The following ITIH2 variants were observed in gnomAD, a reference collection of about 807,000 sequenced individuals.
ITIH2 encodes inter-alpha-trypsin inhibitor heavy chain 2.
In ITIH2, 103 loss-of-function variants were observed where a neutral mutation model predicts 104.4. The ratio of observed to expected loss-of-function variants is 0.99; its 90% CI spans 0.84 to 1.16. ITIH2 has a LOEUF of 1.16. ITIH2 is among the 50% of genes most tolerant of loss of function. The probability of loss-of-function intolerance (pLI) is 0.00; values close to 1 mark genes in which losing one functional copy is unlikely to be tolerated. For missense variants in ITIH2, 1,108 were observed against 1,162.4 expected, an observed-to-expected ratio of 0.95 and a Z score of 0.68; for synonymous variants, 436 against 435.4, an observed-to-expected ratio of 1.00 and a Z score of -0.02.
chr10:7,723,424 G>C (rs1365219822), intron 8 of ITIH2, 27 bp from the exon 9 acceptor site: 16 of 1,385,044 alleles, frequency 1.2e-5, no homozygotes, highest in Non-Finnish European at 1.5e-5. Flanking sequence ...ATCATGATTT[G>C]ACTCACAAAT....
In ITIH2 at chr10:7,709,185, T is replaced by A; in HGVS notation, c.356T>A (p.Phe119Tyr). Reference protein sequence around the residue: ...QIPKGAFISNFSMTVDGKTFR... With the variant: ...QIPKGAFISNYSMTVDGKTFR... ...CCCAAAGGAGCATTCATTTCCAACTTCTCCATGTGAGTAACTTCTGTGTAG... is the reference window on the plus strand; with the variant it reads ...CCCAAAGGAGCATTCATTTCCAACTACTCCATGTGAGTAACTTCTGTGTAG... Residue 119 changes from phenylalanine (F) to tyrosine (Y), a missense_variant, in exon 4 of 21, where the codon TTC (phenylalanine) becomes TAC (tyrosine). By Grantham distance (22) the Phe-to-Tyr change is conservative. Transcript: ENST00000358415. 2.5e-6 allele frequency: 4 copies of A among 1,613,978 alleles called. No homozygotes were observed. The highest frequency in any genetic ancestry group is 3.4e-6 in the Non-Finnish European group (4 of 1,179,900).
chr10:7,734,376 C>G (rs1835032221), intron 14 of ITIH2, among the ~76,000 whole-genome samples: 1 of 152,192 alleles, frequency 6.6e-6, no homozygotes, highest in Non-Finnish European at 1.5e-5. Flanking sequence ...GAACCTAAAA[C>G]TGCTCTAAAG....
intron 12 of ITIH2, 33 bp downstream of exon 12, chr10:7,730,166 C>T: frequency 1.3e-6 from 2 of 1,491,214 alleles, no homozygotes; most frequent in African/African-American, 1.4e-5. Context: ...TTTTATTCTT[C>T]ACTGGAAATC....
At chr10:7,724,894 G>A (rs531380142) in intron 9 of ITIH2, among the ~76,000 whole-genome samples, 1 of 152,192 alleles carries the variant, frequency 6.6e-6, no homozygotes, top group East Asian at 1.9e-4. Context: ...GAGAAACATT[G>A]CTCTAATACA....
chr10:7,734,843 G>A (rs1272526462), intron 14 of ITIH2, 79 bp from the exon 15 acceptor site: 6 of 1,275,032 alleles, frequency 4.7e-6, no homozygotes, highest in South Asian at 1.4e-5. Context: ...GCAGTGGTGG[G>A]GTGCAGGGTC....
At position 7,737,666 on chromosome 10, in the gene ITIH2, T is replaced by A. The variant is rs1381321229; in HGVS notation, c.1958-955T>A. Among the ~76,000 whole-genome samples, 39 of 19,262 alleles carry A rather than the reference T, an allele frequency of 2.0e-3. 2 individuals are homozygous for A. Among genetic ancestry groups the A allele is most frequent in the East Asian group, 3.0e-3 (1 of 332 alleles). The allele number at this position is 19,262 out of a possible 152,430, so 12.6% of individuals were successfully genotyped here. Reference sequence around the variant, plus strand: ...GAATATTCTATATTATATTCTATATTATATTCTATATTTTCTATATTATAT... The same window carrying A: ...GAATATTCTATATTATATTCTATATAATATTCTATATTTTCTATATTATAT... On this transcript the variant is annotated intron_variant, in intron 15 of 20. Transcript: ENST00000358415.
chr10:7,733,436 A>T (rs531132573), intron 14 of ITIH2, among the ~76,000 whole-genome samples: 1 of 152,296 alleles, frequency 6.6e-6, no homozygotes, highest in Non-Finnish European at 1.5e-5. Context: ...CCAAAGAGAA[A>T]TTGATGATTA....
At chr10:7,714,261 C>T (rs941899804) in intron 5 of ITIH2, among the ~76,000 whole-genome samples, 4 of 150,368 alleles carry the variant, frequency 2.7e-5, no homozygotes, top group African/African-American at 9.8e-5. Context: ...AAGCTCCGCC[C>T]CCCGGGTTCA....
chr10:7,749,029 A>G (rs1835210708), intron 20 of ITIH2, among the ~76,000 whole-genome samples, 158 bp from the exon 21 acceptor site: 1 of 152,122 alleles, frequency 6.6e-6, no homozygotes, highest in Non-Finnish European at 1.5e-5. Flanking sequence ...CAAGCCCCAG[A>G]CTTGGTGTTT....
At chr10:7,707,576 T>G (rs1366939233) in intron 3 of ITIH2, among the ~76,000 whole-genome samples, 1 of 152,200 alleles carries the variant, frequency 6.6e-6, no homozygotes, top group African/African-American at 2.4e-5. Context: ...TTTATTTTTA[T>G]TTTTTTGAGA....
At chr10:7,705,307 C>T in intron 2 of ITIH2, 125 bp downstream of exon 2, 1 of 709,238 alleles carries the variant, frequency 1.4e-6, no homozygotes, top group Non-Finnish European at 2.5e-6. Flanking sequence ...CAGAAGAGTC[C>T]AGACTTCTTA....
intron 15 of ITIH2, among the ~76,000 whole-genome samples, chr10:7,738,228 T>C (rs1481165544): frequency 9.1e-6 from 1 of 109,408 alleles, no homozygotes; most frequent in African/African-American, 3.5e-5. Context: ...CTATATAATA[T>C]TATATATTAT....
chr10:7,722,402 A>C (rs1834913120), intron 8 of ITIH2, among the ~76,000 whole-genome samples: 1 of 152,178 alleles, frequency 6.6e-6, no homozygotes, highest in African/African-American at 2.4e-5. Flanking sequence ...GCCAGTCATC[A>C]AGCCTGCAGC....
At chr10:7,723,379 C>A in intron 8 of ITIH2, 72 bp from the exon 9 acceptor site, 2 of 949,098 alleles carry the variant, frequency 2.1e-6, no homozygotes, top group Non-Finnish European at 3.5e-6. Context: ...TTCTCTGAGT[C>A]CCCAGGTCCC....
At chr10:7,744,686 G>A in intron 18 of ITIH2, 105 bp from the exon 19 acceptor site, 1 of 909,348 alleles carries the variant, frequency 1.1e-6, no homozygotes, top group Non-Finnish European at 1.6e-6. Context: ...ATAACTAGCG[G>A]AATTGTCTGG....
Position 7,734,977 on chromosome 10 carries a change from A to C in ITIH2, c.1843A>C (p.Met615Leu). Residue 615 changes from methionine to leucine, a missense_variant, in exon 15 of 21, where the codon ATG becomes CTG. By Grantham distance (15) the Met-to-Leu change is conservative. Transcript: ENST00000358415. The stretch of plus-strand genomic sequence containing the variant: ...AAGAATTACAAGATCGATCCTGCAG[A>C]TGTCTCTAGACCACCACATTGTGAC... ...KRRITRSILQ[M>L]SLDHHIVTPL... is the part of the protein sequence containing the mutation. 6.2e-7 allele frequency: 1 copy of C among 1,613,896 alleles called. No homozygotes were observed. Among genetic ancestry groups the C allele is most frequent in the Non-Finnish European group, 8.5e-7 (1 of 1,179,996 alleles).
intron 1 of ITIH2, among the ~76,000 whole-genome samples, chr10:7,704,733 G>A (rs1314373560): frequency 6.6e-6 from 1 of 152,184 alleles, no homozygotes; most frequent in Admixed American, 6.5e-5. Flanking sequence ...AGAGGTAGAG[G>A]AAAGAATATA....
At chr10:7,717,479 T>G in intron 5 of ITIH2, 147 bp from the exon 6 acceptor site, 1 of 666,628 alleles carries the variant, frequency 1.5e-6, no homozygotes, top group East Asian at 2.5e-5. Context: ...GAAGCTGCAC[T>G]TATCTCTAGT....
At chr10:7,717,108 C>A (rs1834857688) in intron 5 of ITIH2, among the ~76,000 whole-genome samples, 1 of 152,074 alleles carries the variant, frequency 6.6e-6, no homozygotes, top group South Asian at 2.1e-4. Context: ...AACACACCAC[C>A]ATGCCCAGCT....
Sources: allele counts gnomAD v4.1 joint callset (sites outside exome capture counted in the v4.1 genomes callset), GRCh38; gene constraint gnomAD v4.1.1; transcripts MANE v1.5; gene names NCBI Gene and HGNC (gene_info 2026-07-23, HGNC 2026-07-21).